TSHZ2: variants seen among roughly 807,000 people sequenced by gnomAD.
TSHZ2 encodes the protein teashirt homolog 2.
TSHZ2 carries 21 observed loss-of-function variants against 74.4 expected under a neutral mutation model. That is an observed-to-expected ratio of 0.28 (90% CI 0.20 to 0.41). The LOEUF is 0.41. Ranked by LOEUF, TSHZ2 falls within the 10% of genes least tolerant of loss-of-function variation. The probability of loss-of-function intolerance (pLI) is 1.00; values close to 1 mark genes in which losing one functional copy is unlikely to be tolerated. For synonymous variants in TSHZ2, 540 were observed against 515.3 expected (o/e 1.05, Z -0.65); for missense variants, 1,244 against 1,293.5 (o/e 0.96, Z 0.59).
At chr20:52,974,046 A>G (rs1018433443) in intron 1 of TSHZ2, among the ~76,000 whole-genome samples, 3 of 152,248 alleles carry the variant, frequency 2.0e-5, no homozygotes, top group Admixed American at 6.5e-5. Flanking sequence ...TTCGTACTGT[A>G]AAAACTATCC....
intron 1 of TSHZ2, among the ~76,000 whole-genome samples, chr20:53,030,416 A>G (rs972306668): frequency 1.3e-5 from 2 of 152,172 alleles, no homozygotes; most frequent in Admixed American, 6.5e-5. Context: ...TTCATCTTTC[A>G]AAAAGAAATT....
intron 1 of TSHZ2, among the ~76,000 whole-genome samples, chr20:53,245,982 T>A (rs1429505388): frequency 6.6e-5 from 10 of 151,828 alleles, no homozygotes; most frequent in African/African-American, 1.9e-4. Context: ...TACCTGGCAA[T>A]CCCAAACTCC....
intron 1 of TSHZ2, among the ~76,000 whole-genome samples, chr20:53,193,979 C>A (rs1988801385): frequency 6.6e-6 from 1 of 152,216 alleles, no homozygotes; most frequent in Admixed American, 6.5e-5. Flanking sequence ...CTTTGGAACA[C>A]AAGTTGTATT....
intron 2 of TSHZ2, among the ~76,000 whole-genome samples, chr20:53,354,177 G>A (rs1161069696): frequency 2.0e-5 from 3 of 152,194 alleles, no homozygotes; most frequent in Non-Finnish European, 4.4e-5. Flanking sequence ...GAAGTGTAAC[G>A]ACGTAGAATT....
At position 53,455,704 on chromosome 20, in the gene TSHZ2, C is replaced by A. The variant is rs184005018; in HGVS notation, c.*9-31440C>A. On this transcript the variant is annotated intron_variant, in intron 2 of 2. Coordinates refer to ENST00000371497, the MANE Select transcript of TSHZ2 (RefSeq NM_173485.6). ...CATTAGGTATATCTCCCAATGCTAT[C>A]CCTCCCCCGCCCCACCCCACAACAG... is the stretch of plus-strand genomic sequence containing the variant. Among the ~76,000 whole-genome samples, 101 of 151,240 alleles carry A rather than the reference C, an allele frequency of 6.7e-4. 2 individuals carry two copies. Among genetic ancestry groups the A allele is most frequent in the East Asian group, 5.7e-3 (29 of 5,108 alleles).
At chr20:53,363,329 G>A (rs866327597) in intron 2 of TSHZ2, among the ~76,000 whole-genome samples, 1 of 152,216 alleles carries the variant, frequency 6.6e-6, no homozygotes, top group East Asian at 1.9e-4. Context: ...CCAACCTAAC[G>A]TGGGCCATTA....
intron 1 of TSHZ2, among the ~76,000 whole-genome samples, chr20:53,013,970 CTG>C (rs1326045314): frequency 3.0e-3 from 461 of 152,282 alleles, no homozygotes; most frequent in African/African-American, 8.8e-3. Flanking sequence ...TTTCAATTTC[CTG>C]CCTCGTGGGG....
chr20:53,387,778 G>T (rs1256363123), intron 2 of TSHZ2, among the ~76,000 whole-genome samples: 2 of 152,170 alleles, frequency 1.3e-5, no homozygotes, highest in African/African-American at 4.8e-5. Flanking sequence ...CGGGCATGGT[G>T]GTTCACGCCT....
chr20:53,393,687 C>CAT (rs1982343487), intron 2 of TSHZ2, among the ~76,000 whole-genome samples: 1 of 151,810 alleles, frequency 6.6e-6, no homozygotes, highest in South Asian at 2.1e-4. Context: ...CACACACACA[C>CAT]ACACAAATTG....
At chr20:53,246,050 T>TTTTTTTTTTTTTTTTTTTTTTG (rs1568832069) in intron 1 of TSHZ2, among the ~76,000 whole-genome samples, 17 of 150,036 alleles carry the variant, frequency 1.1e-4, no homozygotes, top group African/African-American at 4.2e-4. Flanking sequence ...CTTTTTTTTT[T>TTTTTTTTTTTTTTTTTTTTTTG]TTTGTTTGAG....
At chr20:53,080,777 G>A (rs950104297) in intron 1 of TSHZ2, among the ~76,000 whole-genome samples, 3 of 152,112 alleles carry the variant, frequency 2.0e-5, no homozygotes, top group African/African-American at 7.2e-5. Context: ...ACCGGCCCGC[G>A]GCCCAGGGGC....
intron 1 of TSHZ2, among the ~76,000 whole-genome samples, chr20:53,108,384 G>A (rs1052211629): frequency 6.6e-6 from 1 of 152,200 alleles, no homozygotes; most frequent in Non-Finnish European, 1.5e-5. Context: ...TTAAATGAAA[G>A]GCTTGTATTC....
chr20:53,014,797 A>G (rs1982976868), intron 1 of TSHZ2, among the ~76,000 whole-genome samples: 1 of 152,140 alleles, frequency 6.6e-6, no homozygotes, highest in African/African-American at 2.4e-5. Flanking sequence ...GTTTTCATAC[A>G]TTTCCAAATC....
In TSHZ2 at chr20:53,452,528, G is replaced by C. The variant is rs1291397258; in HGVS notation, c.*9-34616G>C. Among the ~76,000 whole-genome samples, 5 of 151,674 alleles carry C rather than the reference G, an allele frequency of 3.3e-5. No homozygotes were observed. In the East Asian group the frequency reaches 9.7e-4, roughly 29 times the overall value. Reference sequence around the variant, plus strand: ...GGCAGAGAATTGCTTGAACCTGGGAGGTGGAGCCTGCAGTGAGCTAAGATT... The same window carrying C: ...GGCAGAGAATTGCTTGAACCTGGGACGTGGAGCCTGCAGTGAGCTAAGATT... On this transcript the variant is annotated intron_variant, in intron 2 of 2. Transcript: ENST00000371497.
In TSHZ2 at chr20:52,990,264, C is replaced by T. The variant is rs544092340; in HGVS notation, c.40+16931C>T. ...AATTTGAATATTTTTTGTAACTTCA[C>T]TGAGATGTCTACCCCTCTAATGAAA... On this transcript the variant is annotated intron_variant, in intron 1 of 2. Transcript: ENST00000371497. 1.7e-4 allele frequency among the ~76,000 whole-genome samples: 26 copies of T among 152,224 alleles called. No individual in the cohort carries two copies. In the South Asian group the frequency reaches 5.2e-3, roughly 30 times the overall value.
intron 1 of TSHZ2, among the ~76,000 whole-genome samples, chr20:52,980,637 A>T (rs1981529965): frequency 6.6e-6 from 1 of 152,220 alleles, no homozygotes; most frequent in African/African-American, 2.4e-5. Context: ...TTTTAATGAA[A>T]ATAGTTACGA....
At position 53,211,857 on chromosome 20, in the gene TSHZ2, A is replaced by G. The variant is rs914220619; in HGVS notation, c.41-41642A>G. Among the ~76,000 whole-genome samples the G allele has an allele frequency of 1.8e-4, 28 of 152,236 alleles. 1 individual carries two copies. Among genetic ancestry groups the G allele is most frequent in the East Asian group, 7.7e-4 (4 of 5,188 alleles). On this transcript the variant is annotated intron_variant, in intron 1 of 2. Transcript: ENST00000371497. ...ACCCCAGAAGTGAACATTGTACCCA[A>G]TAGGTAACTTTTCAACACTCATCTC...
intron 2 of TSHZ2, among the ~76,000 whole-genome samples, chr20:53,434,465 C>G (rs1983967018): frequency 6.6e-6 from 1 of 152,094 alleles, no homozygotes; most frequent in Non-Finnish European, 1.5e-5. Context: ...TACTGCAAGA[C>G]AAAATAATAC....
intron 2 of TSHZ2, among the ~76,000 whole-genome samples, chr20:53,281,144 G>A (rs1306215713): frequency 6.6e-6 from 1 of 152,212 alleles, no homozygotes. Context: ...AATAATTTCA[G>A]TGCTGTTAGT....
Sources: allele counts gnomAD v4.1 joint callset (sites outside exome capture counted in the v4.1 genomes callset), GRCh38; gene constraint gnomAD v4.1.1; transcripts MANE v1.5; gene names NCBI Gene and HGNC (gene_info 2026-07-23, HGNC 2026-07-21).